Variants in KANK1 observed in about 807,000 individuals in gnomAD.
KANK1 encodes the protein KN motif and ankyrin repeat domain-containing protein 1.
A neutral mutation model predicts 106.2 loss-of-function variants in KANK1; 109 were observed. The observed-to-expected ratio is 1.03, with a 90% CI of 0.88 to 1.20. KANK1 has a LOEUF of 1.20. Ranked by LOEUF, KANK1 falls within the 50% of genes most tolerant of loss-of-function variation. The pLI is 0.00. For synonymous variants in KANK1, 873 were observed against 652.2 expected (o/e 1.34, Z -5.16); for missense variants, 2,399 against 1,710.7 (o/e 1.40, Z -7.10).
At chr9:579,677 G>T (rs1018179161) in intron 1 of KANK1, among the ~76,000 whole-genome samples, 1 of 152,148 alleles carries the variant, frequency 6.6e-6, no homozygotes, top group African/African-American at 2.4e-5. Flanking sequence ...GGCAGTATGG[G>T]AGGTCCACCT....
intron 1 of KANK1, among the ~76,000 whole-genome samples, chr9:675,897 G>C (rs1452762505): frequency 6.7e-6 from 1 of 148,340 alleles, no homozygotes; most frequent in Non-Finnish European, 1.5e-5. Flanking sequence ...TTGCAGGAAA[G>C]GGGTGGGTAG....
At chr9:610,957 CCTG>C (rs2136136879) in intron 1 of KANK1, among the ~76,000 whole-genome samples, 1 of 152,234 alleles carries the variant, frequency 6.6e-6, no homozygotes, top group Admixed American at 6.5e-5. Context: ...ATGGTATTCT[CCTG>C]TTTGGTGGTT....
intron 1 of KANK1, among the ~76,000 whole-genome samples, chr9:588,067 A>G (rs965051122): frequency 3.7e-4 from 20 of 54,152 alleles, no homozygotes. Context: ...CTTGGTCTCA[A>G]GAAAAAAAAA....
chr9:733,250 G>T (rs1056737673), intron 6 of KANK1: 6 of 152,192 alleles, frequency 3.9e-5, no homozygotes, highest in African/African-American at 1.4e-4. Context: ...ATAGAGAGTA[G>T]AAAAGGTGGA....
intron 3 of KANK1, among the ~76,000 whole-genome samples, chr9:474,283 G>A (rs940418328): frequency 2.6e-5 from 4 of 152,124 alleles, no homozygotes; most frequent in African/African-American, 7.2e-5. Context: ...AGGAAATGCT[G>A]GTAGGAAAGC....
chr9:644,912 GGAGTTCAA>G (rs1247221123), intron 1 of KANK1, among the ~76,000 whole-genome samples: 1 of 150,810 alleles, frequency 6.6e-6, no homozygotes, highest in East Asian at 1.9e-4. Context: ...CCTGAGCTCA[GGAGTTCAA>G]GACCAGCCTG....
intron 3 of KANK1, among the ~76,000 whole-genome samples, chr9:721,696 A>C (rs906791655): frequency 6.6e-6 from 1 of 152,192 alleles, no homozygotes. Flanking sequence ...GGGTCCCTCA[A>C]GGCTTCAGGT....
chr9:744,007 T>A (rs12003410), intron 10 of KANK1, among the ~76,000 whole-genome samples: 3,107 of 152,298 alleles, frequency 0.02, 124 homozygotes, highest in African/African-American at 0.07. Flanking sequence ...TTTCCAGAAG[T>A]TGGATCTGTG....
At chr9:486,672 G>A (rs1019138974) in intron 3 of KANK1, among the ~76,000 whole-genome samples, 1 of 152,094 alleles carries the variant, frequency 6.6e-6, no homozygotes, top group African/African-American at 2.4e-5. Flanking sequence ...CTTTTAATCA[G>A]TGTTCCAGTG....
At chr9:702,249 A>G (rs1822868979) in intron 2 of KANK1, among the ~76,000 whole-genome samples, 1 of 152,166 alleles carries the variant, frequency 6.6e-6, no homozygotes, top group Non-Finnish European at 1.5e-5. Flanking sequence ...ATGCCAACCT[A>G]AGACAACATG....
intron 1 of KANK1, among the ~76,000 whole-genome samples, chr9:568,194 TC>T (rs1174752976): frequency 3.3e-5 from 5 of 152,192 alleles, no homozygotes; most frequent in African/African-American, 1.2e-4. Context: ...ATGTTAAAAA[TC>T]AACTTCTCAA....
chr9:568,457 G>A lies in KANK1; in HGVS notation c.-84+63703G>A, dbSNP rs185309085. Among the ~76,000 whole-genome samples, 381 of 152,158 alleles carry A rather than the reference G, an allele frequency of 2.5e-3. 3 individuals are homozygous for A. Among genetic ancestry groups the A allele is most frequent in the African/African-American group, 8.7e-3 (361 of 41,500 alleles). ...TGTAAGTCTGTGGGGTTTTTTTCCT[G>A]TCTCTCCCATAGAGGCAGAGACTTG... On this transcript the variant is annotated intron_variant, in intron 1 of 11. Coordinates refer to ENST00000382297, the MANE Select transcript of KANK1 (RefSeq NM_015158.5).
rs1835422053 is a variant in KANK1, at chr9:630,478, G to A, written c.-83-46412G>A. On this transcript the variant is annotated intron_variant, in intron 1 of 11. Transcript: ENST00000382297. ...AGGCGGGAGAATGGCGTAAACCCGG[G>A]AGGCGGAGCTTGCAGTGAGCTGAGA... 5.3e-5 allele frequency among the ~76,000 whole-genome samples: 8 copies of A among 152,092 alleles called. 1 individual carries two copies. The East Asian group carries it at 1.4e-3, about 26-fold the overall frequency.
Position 563,593 on chromosome 9 carries a change from T to C in KANK1, c.-84+58839T>C, listed in dbSNP as rs146774994. Among the ~76,000 whole-genome samples the C allele has an allele frequency of 4.3e-3, 648 of 152,330 alleles. 5 individuals carry two copies. The highest frequency in any genetic ancestry group is 0.015 in the African/African-American group (610 of 41,572). ...ACATGATTTTGTAGATATGTATGTG[T>C]GTGTCTATATTTTCAAATAGGCAGT... is the stretch of plus-strand genomic sequence containing the variant. On this transcript the variant is annotated intron_variant, in intron 1 of 11. Coordinates refer to ENST00000382297, the MANE Select transcript of KANK1 (RefSeq NM_015158.5).
At chr9:532,237 CTTTTT>C (rs34351693) in intron 1 of KANK1, among the ~76,000 whole-genome samples, 1 of 107,768 alleles carries the variant, frequency 9.3e-6, no homozygotes. Flanking sequence ...GAGCATTTGT[CTTTTT>C]TTTTTTTTTT....
intron 1 of KANK1, among the ~76,000 whole-genome samples, chr9:668,616 G>A (rs1251746743): frequency 6.6e-6 from 1 of 151,636 alleles, no homozygotes; most frequent in South Asian, 2.1e-4. Flanking sequence ...ATTTGTTGGG[G>A]TTTTTTTTAG....
chr9:561,974 CT>C (rs1258297190), intron 1 of KANK1, among the ~76,000 whole-genome samples: 1 of 150,488 alleles, frequency 6.6e-6, no homozygotes, highest in Non-Finnish European at 1.5e-5. Flanking sequence ...GTAAAGGAAT[CT>C]TTCAGCAGAT....
intron 1 of KANK1, among the ~76,000 whole-genome samples, chr9:639,542 C>G (rs1837915857): frequency 6.6e-6 from 1 of 152,092 alleles, no homozygotes; most frequent in Non-Finnish European, 1.5e-5. Context: ...GTCTTGAACT[C>G]CTGGCCTCAA....
intron 1 of KANK1, among the ~76,000 whole-genome samples, chr9:615,539 C>G (rs1200949954): frequency 6.6e-6 from 1 of 152,130 alleles, no homozygotes; most frequent in Admixed American, 6.5e-5. Context: ...ACTAAAAAGG[C>G]TACTCAAGGG....
Sources: gnomAD v4.1 joint callset for allele counts (sites outside exome capture counted in the v4.1 genomes callset) on GRCh38, gnomAD v4.1.1 for gene constraint, MANE v1.5 for transcripts, NCBI Gene and HGNC (gene_info 2026-07-23, HGNC 2026-07-21) for gene names.